The following MRPS5 variants were observed in gnomAD, a reference collection of about 807,000 sequenced individuals.
MRPS5 encodes mitochondrial ribosomal protein S5, also known as small ribosomal subunit protein uS5m.
A neutral mutation model predicts 51.9 loss-of-function variants in MRPS5; 27 were observed. That is an observed-to-expected ratio of 0.52 (90% CI 0.38 to 0.72). The LOEUF is 0.72. Among genes scored for constraint, MRPS5 ranks in the 30% least tolerant of loss-of-function variants. The probability of loss-of-function intolerance (pLI) is 0.00; values close to 1 mark genes in which losing one functional copy is unlikely to be tolerated. For missense variants in MRPS5, 570 were observed against 545.7 expected (o/e 1.04, Z -0.44); for synonymous variants, 196 against 193.2 (o/e 1.01, Z -0.12).
intron 1 of MRPS5, among the ~76,000 whole-genome samples, chr2:95,118,688 C>A (rs1003439807): frequency 6.6e-6 from 1 of 152,220 alleles, no homozygotes; most frequent in Non-Finnish European, 1.5e-5. Context: ...AGAACAGGCT[C>A]TGACACAGCA....
chr2:95,094,589 T>TAAAG (rs1251130000), intron 10 of MRPS5, among the ~76,000 whole-genome samples: 3 of 151,398 alleles, frequency 2.0e-5, no homozygotes, highest in Admixed American at 1.3e-4. Flanking sequence ...TCAACATTCT[T>TAAAG]AAAAGAATTT....
intron 4 of MRPS5, 69 bp downstream of exon 4, chr2:95,109,847 T>C: frequency 6.5e-7 from 1 of 1,543,660 alleles, no homozygotes; most frequent in South Asian, 1.2e-5. Context: ...TTCTAGTTTG[T>C]AAAATATCTA....
chr2:95,112,216 C>T (rs1325594878), intron 3 of MRPS5, among the ~76,000 whole-genome samples: 1 of 152,078 alleles, frequency 6.6e-6, no homozygotes, highest in African/African-American at 2.4e-5. Context: ...AGGTGCCTGC[C>T]ACCACGCCCA....
At position 95,121,778 on chromosome 2, in the gene MRPS5, A is replaced by G; in HGVS notation, c.14T>C (p.Val5Ala). 1.2e-5 allele frequency: 19 copies of G among 1,550,990 alleles called. No homozygotes were observed. The highest frequency in any genetic ancestry group is 1.6e-5 in the Non-Finnish European group (18 of 1,157,940). Residue 5 changes from valine (V) to alanine (A), a missense_variant, in exon 1 of 12, where the codon GTG becomes GCG. By Grantham distance (64) the Val-to-Ala change is moderately conservative. Transcript: ENST00000272418. MATA[V>A]RAVGCLPVLC... Reference sequence around the variant, plus strand: ...CACGGGGAGGCAGCCCACAGCGCGCACCGCGGTCGCCATGCTGGAGTCCGA... The same window carrying G: ...CACGGGGAGGCAGCCCACAGCGCGCGCCGCGGTCGCCATGCTGGAGTCCGA...
chr2:95,109,779 A>G, intron 4 of MRPS5, 137 bp downstream of exon 4: 2 of 969,022 alleles, frequency 2.1e-6, no homozygotes, highest in Non-Finnish European at 3.0e-6. Context: ...GAGTAAGTCA[A>G]CTGGTTGAAT....
intron 11 of MRPS5, 86 bp downstream of exon 11, chr2:95,090,300 C>T: frequency 6.9e-7 from 1 of 1,444,936 alleles, no homozygotes; most frequent in Non-Finnish European, 9.4e-7. Context: ...AAAGCATCTC[C>T]AGGAGGCCCC....
intron 1 of MRPS5, among the ~76,000 whole-genome samples, chr2:95,121,103 G>GT (rs1189008912): frequency 3.3e-5 from 5 of 152,146 alleles, no homozygotes; most frequent in African/African-American, 1.2e-4. Flanking sequence ...GGGCGACAGA[G>GT]TAAGACTGTC....
chr2:95,105,691 A>G (rs1372168358), intron 6 of MRPS5, among the ~76,000 whole-genome samples: 1 of 152,246 alleles, frequency 6.6e-6, no homozygotes, highest in Admixed American at 6.5e-5. Context: ...TCTTATAGAA[A>G]ATCACCCACA....
At chr2:95,106,679 C>G in intron 5 of MRPS5, 1 of 575,656 alleles carries the variant, frequency 1.7e-6, no homozygotes. Flanking sequence ...CTGCACCCTC[C>G]TCCCCATCCA....
At chr2:95,087,613 T>A in intron 11 of MRPS5, 32 bp from the exon 12 acceptor site, 1 of 1,578,564 alleles carries the variant, frequency 6.3e-7, no homozygotes, top group Non-Finnish European at 8.6e-7. Context: ...ACAGGTTAGG[T>A]CTGAAGTACA....
chr2:95,117,785 T>A (rs143379862), intron 2 of MRPS5, 80 bp downstream of exon 2: 9 of 1,165,282 alleles, frequency 7.7e-6, no homozygotes, highest in Non-Finnish European at 1.1e-5. Context: ...AGCAGGTGAT[T>A]ACTTATATTT....
intron 2 of MRPS5, among the ~76,000 whole-genome samples, chr2:95,116,478 G>C (rs1463514979): frequency 1.3e-5 from 2 of 152,120 alleles, no homozygotes; most frequent in Non-Finnish European, 2.9e-5. Flanking sequence ...CTTTAGATTT[G>C]AGAAACAGTC....
chr2:95,096,523 G>C (rs1435284420), intron 10 of MRPS5, among the ~76,000 whole-genome samples: 1 of 152,126 alleles, frequency 6.6e-6, no homozygotes, highest in Non-Finnish European at 1.5e-5. Flanking sequence ...GGGATGCAAG[G>C]CTGGTTCAAC....
intron 1 of MRPS5, among the ~76,000 whole-genome samples, chr2:95,118,231 A>G (rs1676346505): frequency 6.6e-6 from 1 of 152,192 alleles, no homozygotes; most frequent in African/African-American, 2.4e-5. Context: ...CTCAAGCCTC[A>G]TCACCACTCA....
intron 3 of MRPS5, among the ~76,000 whole-genome samples, chr2:95,112,380 T>C (rs959374741): frequency 6.6e-6 from 1 of 152,192 alleles, no homozygotes; most frequent in African/African-American, 2.4e-5. Flanking sequence ...GTTATATATA[T>C]ATACACACAC....
At chr2:95,118,026 T>G in intron 1 of MRPS5, 81 bp from the exon 2 acceptor site, 1 of 1,054,220 alleles carries the variant, frequency 9.5e-7, no homozygotes, top group South Asian at 1.5e-5. Flanking sequence ...ACAAAATATA[T>G]CTATAGAATA....
intron 4 of MRPS5, 114 bp downstream of exon 4, chr2:95,109,802 G>C: frequency 8.3e-7 from 1 of 1,198,178 alleles, no homozygotes; most frequent in Non-Finnish European, 1.2e-6. Context: ...TAAAACCATA[G>C]ATCGTAGTGC....
intron 10 of MRPS5, among the ~76,000 whole-genome samples, chr2:95,095,826 G>A (rs1482286215): frequency 6.6e-6 from 1 of 152,066 alleles, no homozygotes; most frequent in Non-Finnish European, 1.5e-5. Flanking sequence ...AAATTAAAAA[G>A]CTAGCAGAAG....
In MRPS5 at chr2:95,100,809, A is replaced by T. The variant is rs75717178; in HGVS notation, c.868+28T>A. On this transcript the variant is annotated intron_variant, in intron 9 of 11. Coordinates refer to ENST00000272418, the MANE Select transcript of MRPS5 (RefSeq NM_031902.5). Reference sequence around the variant, plus strand: ...TTTAACAAATGTAATCCTGCAAATTAAAAAAAAAAAAATAGATTATCACTC... The same window carrying T: ...TTTAACAAATGTAATCCTGCAAATTTAAAAAAAAAAAATAGATTATCACTC... 7 of 313,860 alleles carry T rather than the reference A, an allele frequency of 2.2e-5. No individual in the cohort carries two copies. The South Asian group carries it at 2.7e-4, about 12-fold the overall frequency. The allele number at this position is 313,860 out of a possible 1,614,324, so 19.4% of individuals were successfully genotyped here.
Sources: gnomAD v4.1 joint callset for allele counts (sites outside exome capture counted in the v4.1 genomes callset) on GRCh38, gnomAD v4.1.1 for gene constraint, MANE v1.5 for transcripts, NCBI Gene and HGNC (gene_info 2026-07-23, HGNC 2026-07-21) for gene names.